The following KAZN variants were observed in gnomAD, a reference collection of about 807,000 sequenced individuals.
KAZN encodes the protein kazrin.
In KAZN, 40 loss-of-function variants were observed where a neutral mutation model predicts 87.4. The ratio of observed to expected loss-of-function variants is 0.46; its 90% CI spans 0.36 to 0.60. The LOEUF (loss-of-function observed/expected upper bound fraction) is 0.60. Among genes scored for constraint, KAZN ranks in the 20% least tolerant of loss-of-function variants. KAZN has a pLI of 0.00. For synonymous variants in KAZN, 466 were observed against 458.3 expected (o/e 1.02, Z -0.22); for missense variants, 898 against 1,073.9 (o/e 0.84, Z 2.29).
At chr1:14,571,726 A>G (rs1235449007) in intron 2 of KAZN, among the ~76,000 whole-genome samples, 2 of 152,146 alleles carry the variant, frequency 1.3e-5, no homozygotes, top group Non-Finnish European at 2.9e-5. Flanking sequence ...GGCCAGGGTG[A>G]ATGGTGGTAC....
At chr1:15,071,521 C>G (rs1186213987) in intron 8 of KAZN, among the ~76,000 whole-genome samples, 1 of 152,164 alleles carries the variant, frequency 6.6e-6, no homozygotes, top group African/African-American at 2.4e-5. Context: ...TCCCAAAGTG[C>G]TGGAATTACA....
intron 1 of KAZN, among the ~76,000 whole-genome samples, chr1:14,177,903 T>C (rs1646118534): frequency 6.6e-6 from 1 of 152,128 alleles, no homozygotes. Context: ...ATAGTTTTTA[T>C]CAAATATGGA....
At chr1:14,396,346 A>G (rs1328304788) in intron 2 of KAZN, among the ~76,000 whole-genome samples, 2 of 152,188 alleles carry the variant, frequency 1.3e-5, no homozygotes. Flanking sequence ...CACACCAGCT[A>G]TGGCTCAGCT....
At chr1:14,598,180 T>C (rs1298647260), upstream of KAZN, among the ~76,000 whole-genome samples, 4 of 152,134 alleles carry the variant, frequency 2.6e-5, no homozygotes, top group East Asian at 7.8e-4. This position sits in a 1 kb window ranked among gnomAD's most constrained non-coding sequence, Gnocchi z 4.2. Flanking sequence ...AGCGCAGGTC[T>C]GGCCTGCGGG....
rs372615403 is a variant in KAZN at position 14,822,122 on chromosome 1, T to C, written c.227-138562T>C. Among the ~76,000 whole-genome samples, 103 of 152,338 alleles carry C rather than the reference T, an allele frequency of 6.8e-4. 2 individuals are homozygous for C. In the South Asian group the frequency reaches 0.02, roughly 30 times the overall value. On this transcript the variant is annotated intron_variant, in intron 1 of 14. Transcript: ENST00000376030. ...CCACAACAGCGACCCTTCTTGCCTC[T>C]TTCCATTCCTGGTCTTGATGGCCAA...
chr1:14,346,844 T>C (rs906058705), intron 2 of KAZN, among the ~76,000 whole-genome samples: 7 of 152,186 alleles, frequency 4.6e-5, no homozygotes, highest in Non-Finnish European at 8.8e-5. Context: ...AAATATTTAT[T>C]GGGCATTACT....
At chr1:14,490,697 T>C (rs976439791) in intron 2 of KAZN, among the ~76,000 whole-genome samples, 1 of 152,214 alleles carries the variant, frequency 6.6e-6, no homozygotes, top group Non-Finnish European at 1.5e-5. Context: ...GGTTGTTTTT[T>C]AATGGTTATA....
intron 1 of KAZN, among the ~76,000 whole-genome samples, chr1:14,659,227 T>TTAAAA (rs1300238765): frequency 1.3e-5 from 2 of 151,906 alleles, no homozygotes; most frequent in Non-Finnish European, 2.9e-5. Flanking sequence ...GACTCTTGTC[T>TTAAAA]TAAAATAAAA....
At chr1:14,968,294 C>T (rs752110669) in intron 2 of KAZN, among the ~76,000 whole-genome samples, 4 of 152,086 alleles carry the variant, frequency 2.6e-5, no homozygotes, top group South Asian at 2.1e-4. Flanking sequence ...CTAATGCCAT[C>T]GCTGCTGATC....
At chr1:13,966,723 T>A (rs1641959835) in intron 1 of KAZN, among the ~76,000 whole-genome samples, 2 of 152,338 alleles carry the variant, frequency 1.3e-5, no homozygotes, top group East Asian at 3.9e-4. Context: ...AGACACAGGA[T>A]TTCGAAGCAT....
At chr1:14,314,702 C>T (rs922680554) in intron 2 of KAZN, among the ~76,000 whole-genome samples, 1 of 152,032 alleles carries the variant, frequency 6.6e-6, no homozygotes, top group African/African-American at 2.4e-5. Context: ...AAAATTCATT[C>T]TTTTAAAGTG....
intron 8 of KAZN, among the ~76,000 whole-genome samples, chr1:15,075,326 A>T (rs373759427): frequency 3.2e-4 from 49 of 152,220 alleles, no homozygotes; most frequent in African/African-American, 1.2e-3. Context: ...ACACTGCATC[A>T]TATCTCCACC....
At chr1:13,947,376 T>C (rs930747950) in intron 1 of KAZN, among the ~76,000 whole-genome samples, 1 of 152,080 alleles carries the variant, frequency 6.6e-6, no homozygotes, top group South Asian at 2.1e-4. Context: ...TTCTCACTCA[T>C]GAGAACAGCA....
chr1:14,211,936 A>G (rs533108993), intron 2 of KAZN, among the ~76,000 whole-genome samples: 47 of 151,664 alleles, frequency 3.1e-4, no homozygotes, highest in African/African-American at 9.4e-4. Context: ...ATTTTGTCCT[A>G]TCCCCCAGCC....
intron 1 of KAZN, among the ~76,000 whole-genome samples, chr1:14,617,161 C>T (rs1191512884): frequency 6.6e-6 from 1 of 152,208 alleles, no homozygotes; most frequent in Non-Finnish European, 1.5e-5. Flanking sequence ...AGATGTTTTG[C>T]TATCTATGTT....
intron 1 of KAZN, chr1:14,924,570 C>A: frequency 3.0e-6 from 3 of 1,012,730 alleles, no homozygotes; most frequent in African/African-American, 1.7e-5. Flanking sequence ...TGCAGCCAGC[C>A]CGGTAGGTGC....
chr1:14,118,574 T>C (rs545145089), intron 1 of KAZN, among the ~76,000 whole-genome samples: 21 of 152,208 alleles, frequency 1.4e-4, no homozygotes, highest in Non-Finnish European at 2.9e-4. Context: ...ATGGAAACCA[T>C]GTAATGGGGT....
At chr1:14,682,291 C>CTTT (rs55908428) in intron 1 of KAZN, among the ~76,000 whole-genome samples, 4 of 144,200 alleles carry the variant, frequency 2.8e-5, no homozygotes, top group Admixed American at 6.9e-5. Flanking sequence ...TCAGAATTTC[C>CTTT]TTTTTTTTTT....
intron 1 of KAZN, among the ~76,000 whole-genome samples, chr1:13,975,963 T>C (rs915587329): frequency 2.6e-5 from 4 of 152,260 alleles, no homozygotes; most frequent in Admixed American, 1.3e-4. Context: ...CTCTGTGTTT[T>C]TGGTGTCTAG....
Sources: gnomAD v4.1 joint callset for allele counts (sites outside exome capture counted in the v4.1 genomes callset) on GRCh38, gnomAD v4.1.1 for gene constraint, Gnocchi (gnomAD v3.1) non-coding constraint, MANE v1.5 for transcripts, NCBI Gene and HGNC (gene_info 2026-07-23, HGNC 2026-07-21) for gene names.